CYP7B1: variants seen among roughly 807,000 people sequenced by gnomAD.
CYP7B1 encodes cytochrome P450 family 7 subfamily B member 1.
A neutral mutation model predicts 42.7 loss-of-function variants in CYP7B1; 29 were observed. The observed-to-expected ratio is 0.68, with a 90% CI of 0.51 to 0.93. CYP7B1 has a LOEUF of 0.93. Among genes scored for constraint, CYP7B1 ranks in the 40% least tolerant of loss-of-function variants. CYP7B1 has a pLI of 0.00. For synonymous variants in CYP7B1, 235 were observed against 218.2 expected, an observed-to-expected ratio of 1.08 and a Z score of -0.68; for missense variants, 655 against 600.5, an observed-to-expected ratio of 1.09 and a Z score of -0.95.
intron 1 of CYP7B1, among the ~76,000 whole-genome samples, chr8:64,748,774 C>T (rs987246605): frequency 5.3e-5 from 8 of 152,206 alleles, no homozygotes; most frequent in Non-Finnish European, 8.8e-5. Context: ...CCCATGACTT[C>T]AACTAAAAAT....
At position 64,798,604 on chromosome 8, in the gene CYP7B1, C is replaced by T; in HGVS notation, c.-17G>A. The T allele has an allele frequency of 2.1e-6, 3 of 1,454,276 alleles. No homozygotes were observed. Among genetic ancestry groups the T allele is most frequent in the Middle Eastern group, 2.5e-4 (1 of 4,058 alleles). The allele number at this position is 1,454,276 out of a possible 1,614,324, so 90.1% of individuals were successfully genotyped here. On this transcript the variant is annotated 5_prime_UTR_variant, in exon 1 of 6. Transcript: ENST00000310193. ...TCCTGCCATCCGGCGCGCGCTAGGC[C>T]GCGGTGGGCAGCCCGGGGTCTGCCT...
chr8:64,774,731 T>C (rs1358339834), intron 1 of CYP7B1, among the ~76,000 whole-genome samples: 1 of 152,168 alleles, frequency 6.6e-6, no homozygotes, highest in Non-Finnish European at 1.5e-5. Context: ...CGGTTTCCCA[T>C]TGCAGGAGTT....
At chr8:64,679,460 T>G (rs1421739060) in intron 1 of CYP7B1, among the ~76,000 whole-genome samples, 1 of 152,218 alleles carries the variant, frequency 6.6e-6, no homozygotes, top group East Asian at 1.9e-4. Context: ...TAAATATGAT[T>G]GTTTAAAAAA....
intron 1 of CYP7B1, among the ~76,000 whole-genome samples, chr8:64,671,494 G>C (rs901761586): frequency 5.9e-5 from 9 of 152,126 alleles, no homozygotes; most frequent in African/African-American, 2.2e-4. Flanking sequence ...TTAATTAAAG[G>C]AGACAGCCCT....
intron 1 of CYP7B1, among the ~76,000 whole-genome samples, chr8:64,698,434 T>C (rs557633027): frequency 6.6e-6 from 1 of 152,224 alleles, no homozygotes; most frequent in East Asian, 1.9e-4. Context: ...GTCAAAGAAG[T>C]TGAATTCACC....
chr8:64,776,970 G>A (rs1804336321), intron 1 of CYP7B1, among the ~76,000 whole-genome samples: 1 of 152,090 alleles, frequency 6.6e-6, no homozygotes, highest in African/African-American at 2.4e-5. Context: ...AAAATACATA[G>A]AATTTCCTGT....
At chr8:64,598,387 G>A (rs2129629791) in intron 5 of CYP7B1, among the ~76,000 whole-genome samples, 1 of 152,248 alleles carries the variant, frequency 6.6e-6, no homozygotes, top group Non-Finnish European at 1.5e-5. Context: ...TGGGGCTCAA[G>A]CCTGCTTGCC....
chr8:64,638,888 C>G (rs1045650495), intron 1 of CYP7B1, among the ~76,000 whole-genome samples: 1 of 151,550 alleles, frequency 6.6e-6, no homozygotes, highest in Non-Finnish European at 1.5e-5. Context: ...AAATTGGGAC[C>G]TAGAAAAAGT....
intron 1 of CYP7B1, among the ~76,000 whole-genome samples, chr8:64,648,418 C>T (rs1488102963): frequency 6.6e-6 from 1 of 152,308 alleles, no homozygotes; most frequent in South Asian, 2.1e-4. Flanking sequence ...CCTGTCCTGG[C>T]CACACATATT....
At chr8:64,765,510 G>A (rs1034854587) in intron 1 of CYP7B1, among the ~76,000 whole-genome samples, 1 of 152,150 alleles carries the variant, frequency 6.6e-6, no homozygotes, top group Non-Finnish European at 1.5e-5. Flanking sequence ...GAGCACAAAG[G>A]CAATGTTGGG....
At chr8:64,613,348 GA>G (rs1290575843) in intron 4 of CYP7B1, among the ~76,000 whole-genome samples, 1 of 152,054 alleles carries the variant, frequency 6.6e-6, no homozygotes, top group African/African-American at 2.4e-5. Context: ...CTTTAATACT[GA>G]AATTTAAAAA....
chr8:64,604,972 T>C (rs1176405529), intron 4 of CYP7B1, 115 bp from the exon 5 acceptor site: 4 of 1,212,284 alleles, frequency 3.3e-6, no homozygotes, highest in Non-Finnish European at 4.7e-6. Flanking sequence ...AACTGTTTCT[T>C]CATCACATAC....
chr8:64,668,497 G>T (rs1312309608), intron 1 of CYP7B1, among the ~76,000 whole-genome samples: 2 of 151,898 alleles, frequency 1.3e-5, no homozygotes, highest in Non-Finnish European at 2.9e-5. Context: ...CTTCCCAACT[G>T]TCTTTGGGAA....
chr8:64,726,527 G>T (rs1807327414), intron 1 of CYP7B1, among the ~76,000 whole-genome samples: 1 of 152,182 alleles, frequency 6.6e-6, no homozygotes, highest in Admixed American at 6.6e-5. Context: ...AGGGTTGCTG[G>T]CTGTGGCTTT....
chr8:64,767,593 G>A (rs753064773), intron 1 of CYP7B1, among the ~76,000 whole-genome samples: 2 of 152,110 alleles, frequency 1.3e-5, no homozygotes, highest in Non-Finnish European at 2.9e-5. Flanking sequence ...TTCACCAAAC[G>A]TTTCACTTAG....
At chr8:64,771,596 C>T (rs1220222824) in intron 1 of CYP7B1, among the ~76,000 whole-genome samples, 1 of 152,146 alleles carries the variant, frequency 6.6e-6, no homozygotes, top group East Asian at 1.9e-4. Context: ...TAAAACTGGC[C>T]TCAGGTGCAG....
At position 64,644,008 on chromosome 8, in the gene CYP7B1, C is replaced by T. The variant is rs190308207; in HGVS notation, c.123-19469G>A. ...TAAGAATGGCGGCCAGGCGCGGTGG[C>T]TCACGCCTGTAATCTCAGCACTTTG... On this transcript the variant is annotated intron_variant, in intron 1 of 5. Coordinates refer to ENST00000310193, the MANE Select transcript of CYP7B1 (RefSeq NM_004820.5). Among the ~76,000 whole-genome samples, 193 of 152,304 alleles carry T rather than the reference C, an allele frequency of 1.3e-3. 1 individual carries two copies. The highest frequency in any genetic ancestry group is 4.3e-3 in the African/African-American group (179 of 41,566).
intron 4 of CYP7B1, among the ~76,000 whole-genome samples, chr8:64,606,115 T>C (rs1805275007): frequency 6.6e-6 from 1 of 152,226 alleles, no homozygotes; most frequent in Non-Finnish European, 1.5e-5. Flanking sequence ...CAGCTTTGTG[T>C]GGCCAGTGTG....
At chr8:64,750,573 G>A (rs1427816320) in intron 1 of CYP7B1, among the ~76,000 whole-genome samples, 1 of 152,202 alleles carries the variant, frequency 6.6e-6, no homozygotes, top group East Asian at 1.9e-4. Flanking sequence ...CAACCTTTAA[G>A]TACAGTAGAT....
Sources: gnomAD v4.1 joint callset for allele counts (sites outside exome capture counted in the v4.1 genomes callset) on GRCh38, gnomAD v4.1.1 for gene constraint, MANE v1.5 for transcripts, NCBI Gene and HGNC (gene_info 2026-07-23, HGNC 2026-07-21) for gene names.